Variants in RPP40 observed in about 807,000 individuals in gnomAD.
RPP40 encodes the protein ribonuclease P protein subunit p40.
RPP40 carries 30 observed loss-of-function variants against 42.5 expected under a neutral mutation model. The ratio of observed to expected loss-of-function variants is 0.71; its 90% CI spans 0.53 to 0.96. The LOEUF is 0.96. Among genes scored for constraint, RPP40 ranks in the 40% least tolerant of loss-of-function variants. The pLI is 0.00. For missense variants in RPP40, 426 were observed against 433.5 expected, an observed-to-expected ratio of 0.98 and a Z score of 0.15; for synonymous variants, 173 against 164.0, an observed-to-expected ratio of 1.05 and a Z score of -0.42.
chr6:4,989,518 A>G, the RPP40 span, among the ~76,000 whole-genome samples: 2 of 152,168 alleles, frequency 1.3e-5, no homozygotes, highest in African/African-American at 2.4e-5. Flanking sequence ...TATTGAATCT[A>G]TATTTTGGGA....
At chr6:4,991,840 G>A (rs150689238), downstream of RPP40, among the ~76,000 whole-genome samples, 9 of 152,282 alleles carry the variant, frequency 5.9e-5, no homozygotes, top group East Asian at 1.5e-3. Flanking sequence ...TTGGCTCATG[G>A]GGGTGGATTC....
intron 2 of RPP40, among the ~76,000 whole-genome samples, chr6:5,001,425 C>T (rs1347471358): frequency 3.9e-5 from 6 of 152,294 alleles, no homozygotes; most frequent in South Asian, 2.1e-4. Context: ...AGAGGAGCTA[C>T]TGGTAACTAG....
intron 5 of RPP40, among the ~76,000 whole-genome samples, chr6:4,997,978 T>C (rs1464081493): frequency 6.6e-6 from 1 of 152,184 alleles, no homozygotes; most frequent in Non-Finnish European, 1.5e-5. Context: ...TCTGCCCTCT[T>C]TTCTATCTAC....
downstream of RPP40, among the ~76,000 whole-genome samples, chr6:4,990,669 T>G (rs77096022): frequency 2.2e-4 from 30 of 133,892 alleles, no homozygotes; most frequent in Non-Finnish European, 4.2e-4. Flanking sequence ...TTTTTTTTTT[T>G]GGAATCTCGC....
chr6:5,003,090 T>G (rs1480231060), intron 1 of RPP40, among the ~76,000 whole-genome samples: 1 of 152,118 alleles, frequency 6.6e-6, no homozygotes, highest in Non-Finnish European at 1.5e-5. Flanking sequence ...GGCTCACGCC[T>G]GTAATCCCAG....
chr6:4,999,935 A>G (rs1251972784), intron 3 of RPP40, 31 bp from the exon 4 acceptor site: 1 of 1,325,406 alleles, frequency 7.5e-7, no homozygotes, highest in East Asian at 2.3e-5. Context: ...CCCATAAGAT[A>G]CCAAAACTAG....
At chr6:4,991,780 A>G (rs772490937), downstream of RPP40, among the ~76,000 whole-genome samples, 15 of 152,144 alleles carry the variant, frequency 9.9e-5, no homozygotes, top group Non-Finnish European at 2.1e-4. Flanking sequence ...CCCAAATCTC[A>G]TGTCAAATTG....
downstream of RPP40, among the ~76,000 whole-genome samples, chr6:4,992,317 C>T (rs1415095779): frequency 4.0e-5 from 6 of 149,500 alleles, no homozygotes; most frequent in Admixed American, 1.3e-4. Context: ...TGCAGTGAGC[C>T]GAGATTGCGC....
In RPP40 at chr6:4,995,067, ATTTTTAT is replaced by A. The variant is rs762850662; in HGVS notation, c.*4_*10del. 5.6e-6 allele frequency: 9 copies of A among 1,601,326 alleles called. No individual in the cohort carries two copies. In the African/African-American group the frequency reaches 8.1e-5, roughly 14 times the overall value. On this transcript the variant is annotated 3_prime_UTR_variant, in exon 8 of 8. Coordinates refer to ENST00000380051, the MANE Select transcript of RPP40 (RefSeq NM_006638.4). ...TAAATGTAAGTAAACACGATTTTTA[ATTTTTAT>A]TTTTTATGGTGGACAGTGATCATTT...
chr6:4,999,964 A>G (rs1044129584), intron 3 of RPP40, 60 bp from the exon 4 acceptor site: 17 of 1,017,886 alleles, frequency 1.7e-5, no homozygotes, highest in Non-Finnish European at 2.6e-5. Context: ...TTGTCTGACT[A>G]AAAGAAAGCA....
At chr6:4,992,286 T>C (rs1759271615), downstream of RPP40, among the ~76,000 whole-genome samples, 1 of 151,782 alleles carries the variant, frequency 6.6e-6, no homozygotes, top group Admixed American at 6.6e-5. Context: ...GGAGAATCAT[T>C]TGAACCCAGG....
chr6:4,991,888 A>C (rs560750117), downstream of RPP40, among the ~76,000 whole-genome samples: 4 of 152,126 alleles, frequency 2.6e-5, no homozygotes, highest in Non-Finnish European at 5.9e-5. Context: ...AATTCTCACA[A>C]GATCTGGTTG....
rs187818224 is a variant in RPP40 at position 4,995,612 on chromosome 6, G to A, written c.894-336C>T. On this transcript the variant is annotated intron_variant, in intron 7 of 7. Coordinates refer to ENST00000380051, the MANE Select transcript of RPP40 (RefSeq NM_006638.4). The stretch of plus-strand genomic sequence containing the variant: ...TAAGAGTACTGTTCTCAGAGTCTCA[G>A]TTAACTGAAACGTTGCAGGATAATT... Among the ~76,000 whole-genome samples, 50 of 152,302 alleles carry A rather than the reference G, an allele frequency of 3.3e-4. 1 individual carries two copies. In the South Asian group the frequency reaches 9.1e-3, roughly 28 times the overall value.
At chr6:4,999,345 C>G (rs1340829096) in intron 4 of RPP40, among the ~76,000 whole-genome samples, 1 of 127,088 alleles carries the variant, frequency 7.9e-6, no homozygotes, top group African/African-American at 3.1e-5. Context: ...TGTCGCCAGG[C>G]TGAAGTGCAG....
chr6:4,995,297 A>G, intron 7 of RPP40, 21 bp from the exon 8 acceptor site: 1 of 1,577,322 alleles, frequency 6.3e-7, no homozygotes. Flanking sequence ...GGTAGTTGTT[A>G]AACAGAGTTT....
Position 4,995,175 on chromosome 6 carries a change from C to T in RPP40, c.995G>A (p.Arg332Gln), listed in dbSNP as rs575359259. 20 of 1,614,032 alleles carry T rather than the reference C, an allele frequency of 1.2e-5. No homozygotes were observed. Among genetic ancestry groups the T allele is most frequent in the Admixed American group, 8.3e-5 (5 of 60,018 alleles). Residue 332 changes from arginine (R) to glutamine (Q), a missense_variant, in exon 8 of 8, where the codon CGA becomes CAA. Transcript: ENST00000380051. ...VSWEKNEHGF[R>Q]KGGEHLYNFV... Reference sequence around the variant, plus strand: ...GTTATATAAATGTTCTCCTCCTTTTCGAAAACCATGTTCATTTTTTTCCCA... The same window carrying T: ...GTTATATAAATGTTCTCCTCCTTTTTGAAAACCATGTTCATTTTTTTCCCA...
Position 4,995,193 on chromosome 6 carries a change from T to C in RPP40, c.977A>G (p.Lys326Arg). 6.2e-7 allele frequency: 1 copy of C among 1,614,168 alleles called. No individual in the cohort carries two copies. The highest frequency in any genetic ancestry group is 8.5e-7 in the Non-Finnish European group (1 of 1,180,000). The stretch of plus-strand genomic sequence containing the variant: ...TCCTTTTCGAAAACCATGTTCATTT[T>C]TTTCCCAAGAAACAGGGCTGTCTGC... Reference protein sequence around the residue: ...GFADSPVSWEKNEHGFRKGGE... With the variant: ...GFADSPVSWERNEHGFRKGGE... The change falls in exon 8 of 8, where the codon AAA (lysine) becomes AGA (arginine). Residue 326 changes from lysine to arginine, a missense_variant. Lys to Arg is a conservative substitution (Grantham distance 26). Transcript: ENST00000380051.
downstream of RPP40, among the ~76,000 whole-genome samples, chr6:4,990,181 TATG>T (rs1475851351): frequency 3.3e-5 from 5 of 152,354 alleles, no homozygotes; most frequent in East Asian, 5.8e-4. Flanking sequence ...TGATTGATTA[TATG>T]ATTATTCTTT....
At chr6:4,988,905 G>T in the RPP40 span, among the ~76,000 whole-genome samples, 1 of 152,250 alleles carries the variant, frequency 6.6e-6, no homozygotes, top group Non-Finnish European at 1.5e-5. Flanking sequence ...GTATTTTTCT[G>T]AATGGCTGTG....
Sources: allele counts gnomAD v4.1 joint callset (sites outside exome capture counted in the v4.1 genomes callset), GRCh38; gene constraint gnomAD v4.1.1; transcripts MANE v1.5; gene names NCBI Gene and HGNC (gene_info 2026-07-23, HGNC 2026-07-21).